Variants in JADE3 observed in about 807,000 individuals in gnomAD.
JADE3 encodes the protein jade family PHD finger 3.
A neutral mutation model predicts 50.1 loss-of-function variants in JADE3; 2 were observed. The ratio of observed to expected loss-of-function variants is 0.04; its 90% CI spans 0.02 to 0.13. The LOEUF (loss-of-function observed/expected upper bound fraction) is 0.13. JADE3 is among the 10% of genes least tolerant of loss of function. JADE3 has a pLI of 1.00. For synonymous variants in JADE3, 218 were observed against 232.9 expected (o/e 0.94, Z 0.58); for missense variants, 475 against 634.4 (o/e 0.75, Z 2.70).
At chrX:46,979,215 T>TA (rs1327077783) in intron 1 of JADE3, among the ~76,000 whole-genome samples, 6 of 112,661 alleles carry the variant, frequency 5.3e-5, no homozygotes, top group Admixed American at 9.4e-5. Context: ...GTAATTGTTT[T>TA]AAAAATGCCA....
rs782111450 is a variant in JADE3 at position 47,059,327 on chromosome X, T to C, written c.*250T>C. ...TTGGGAACAGCTGGGCCCAGGGTAT[T>C]TGCTCAGTAAATATTTTGGGGCAGC... On this transcript the variant is annotated 3_prime_UTR_variant, in exon 11 of 11. Transcript: ENST00000614628. The C allele has an allele frequency of 3.1e-6, 1 of 321,887 alleles. No individual in the cohort carries two copies. The highest frequency in any genetic ancestry group is 5.5e-5 in the Admixed American group (1 of 18,286). The allele number at this position is 321,887 out of a possible 1,213,427, so 26.5% of individuals were successfully genotyped here. A position where few individuals can be genotyped will look rare whatever the true frequency, so the allele number is the denominator to read the frequency against.
intron 7 of JADE3, among the ~76,000 whole-genome samples, chrX:47,037,986 A>C (rs1449191240): frequency 9.1e-6 from 1 of 110,434 alleles, no homozygotes; most frequent in African/African-American, 3.3e-5. Flanking sequence ...CCTACAGTCT[A>C]TCTCCTTGAG....
At chrX:47,029,415 G>A (rs1374938650) in intron 6 of JADE3, among the ~76,000 whole-genome samples, 1 of 111,669 alleles carries the variant, frequency 9.0e-6, no homozygotes, top group Non-Finnish European at 1.9e-5. Context: ...AGTAGAGTAG[G>A]GAAGGCATGG....
chrX:46,932,803 T>C (rs1193211518), intron 1 of JADE3, among the ~76,000 whole-genome samples: 1 of 111,822 alleles, frequency 8.9e-6, no homozygotes, highest in Non-Finnish European at 1.9e-5. Context: ...CTGGGACTTC[T>C]CTCACAAAAT....
At chrX:47,013,214 A>G (rs1250242103) in intron 4 of JADE3, among the ~76,000 whole-genome samples, 3 of 110,855 alleles carry the variant, frequency 2.7e-5, no homozygotes, top group African/African-American at 9.8e-5. Context: ...GGATCTCGCT[A>G]TGTTGCCCAG....
At chrX:47,043,865 A>T (rs1929320519) in intron 8 of JADE3, among the ~76,000 whole-genome samples, 1 of 110,510 alleles carries the variant, frequency 9.0e-6, no homozygotes, top group Non-Finnish European at 1.9e-5. Flanking sequence ...ATCAAGCAGA[A>T]ATTCTGGAGC....
intron 1 of JADE3, among the ~76,000 whole-genome samples, chrX:46,964,508 T>C (rs1927329430): frequency 1.8e-5 from 2 of 111,958 alleles, no homozygotes; most frequent in Non-Finnish European, 3.8e-5. Context: ...CAGTCAAAGA[T>C]GCCAGATGAG....
rs1556367261 is a variant in JADE3 at position 47,033,734 on chromosome X, C to G, written c.801C>G (p.Thr267=). 8.4e-7 allele frequency: 1 copy of G among 1,196,812 alleles called. No homozygotes were observed. Among genetic ancestry groups the G allele is most frequent in the Non-Finnish European group, 1.1e-6 (1 of 887,701 alleles). ...CAAAGAAAGGTGGAGCCCTGAAGACCACCAAGACAGGGACTAAATGGGCTC... is the reference window on the plus strand; with the variant it reads ...CAAAGAAAGGTGGAGCCCTGAAGACGACCAAGACAGGGACTAAATGGGCTC... ...LCPKKGGALK[T]TKTGTKWAHV... The change falls in exon 7 of 11, where the codon ACC becomes ACG. Residue 267 remains threonine, a synonymous_variant. Coordinates refer to ENST00000614628, the MANE Select transcript of JADE3 (RefSeq NM_014735.5).
rs1196133636 is a variant in JADE3, at chrX:46,984,907, A to G, written c.13A>G (p.Arg5Gly). 3 of 1,207,798 alleles carry G rather than the reference A, an allele frequency of 2.5e-6. No homozygotes were observed. The highest frequency in any genetic ancestry group is 3.4e-6 in the Non-Finnish European group (3 of 893,392). The change falls in exon 2 of 11, where the codon AGG (arginine) becomes GGG (glycine). Residue 5 changes from arginine (R) to glycine (G), a missense_variant. By Grantham distance (125) the Arg-to-Gly change is moderately radical. Transcript: ENST00000614628. ...AGGATGCTCCAGGATGAAACGCCATAGGCCTGTCAGCAGCAGTGACAGTTC... is the reference window on the plus strand; with the variant it reads ...AGGATGCTCCAGGATGAAACGCCATGGGCCTGTCAGCAGCAGTGACAGTTC... Reference protein sequence around the residue: MKRHRPVSSSDSSDE... With the variant: MKRHGPVSSSDSSDE...
intron 1 of JADE3, among the ~76,000 whole-genome samples, chrX:46,967,439 T>C (rs1210217498): frequency 8.9e-6 from 1 of 111,916 alleles, no homozygotes; most frequent in African/African-American, 3.2e-5. Context: ...GCTAAGATAA[T>C]AGGAGAAATG....
At chrX:46,980,685 T>C (rs1416735737) in intron 1 of JADE3, among the ~76,000 whole-genome samples, 1 of 111,446 alleles carries the variant, frequency 9.0e-6, no homozygotes, top group Non-Finnish European at 1.9e-5. Flanking sequence ...TAGCCCTAGA[T>C]CCTGAAGACT....
intron 8 of JADE3, among the ~76,000 whole-genome samples, 165 bp downstream of exon 8, chrX:47,039,230 A>G (rs782059631): frequency 9.0e-6 from 1 of 111,080 alleles, no homozygotes; most frequent in African/African-American, 3.3e-5. Context: ...TTTTTTGGAT[A>G]TTGCCTCTGG....
chrX:46,917,834 CCT>C lies in JADE3; in HGVS notation c.-12+5135_-12+5136del, dbSNP rs572734511. ...CTCTCTCTCTCTCACTCTCTCTCAT[CCT>C]CTCTCTCTCTCTCTCTCTCATCCTC... On this transcript the variant is annotated intron_variant, in intron 1 of 10. Transcript: ENST00000614628. Among the ~76,000 whole-genome samples, 63 of 42,548 alleles carry C rather than the reference CCT, an allele frequency of 1.5e-3. 2 individuals are homozygous for C. The highest frequency in any genetic ancestry group is 2.0e-3 in the Non-Finnish European group (47 of 23,976). 36.9% of individuals were successfully genotyped at this position (42,548 alleles called of 115,157 possible). A position where few individuals can be genotyped will look rare whatever the true frequency, so the allele number is the denominator to read the frequency against.
chrX:46,925,143 A>G (rs1926328015), intron 1 of JADE3, among the ~76,000 whole-genome samples: 1 of 112,271 alleles, frequency 8.9e-6, no homozygotes, highest in Non-Finnish European at 1.9e-5. Flanking sequence ...CTAATGATAC[A>G]TGAATGCATC....
intron 4 of JADE3, among the ~76,000 whole-genome samples, chrX:47,023,261 C>T (rs1928835807): frequency 9.0e-6 from 1 of 111,518 alleles, no homozygotes. Context: ...CTTCCTGATG[C>T]TCTCCCTCCC....
rs1929688226 is a variant in JADE3, at chrX:47,058,640, C to G, written c.2035C>G (p.Gln679Glu). The G allele has an allele frequency of 3.3e-6, 4 of 1,211,151 alleles. No individual in the cohort carries two copies. Among genetic ancestry groups the G allele is most frequent in the Middle Eastern group, 2.3e-4 (1 of 4,348 alleles). Reference protein sequence around the residue: ...LEGSWSGNVTQKDSSSEMFCD... With the variant: ...LEGSWSGNVTEKDSSSEMFCD... ...GGGCAGCTGGTCTGGGAATGTCACC[C>G]AAAAAGACAGCTCGAGTGAGATGTT... Residue 679 changes from glutamine to glutamate, a missense_variant, in exon 11 of 11, where the codon CAA becomes GAA. Physicochemically the swap from Gln to Glu is conservative, Grantham distance 29. Coordinates refer to ENST00000614628, the MANE Select transcript of JADE3 (RefSeq NM_014735.5).
At chrX:46,937,958 C>T (rs913373505) in intron 1 of JADE3, among the ~76,000 whole-genome samples, 7 of 111,487 alleles carry the variant, frequency 6.3e-5, no homozygotes, top group African/African-American at 1.6e-4. Context: ...CCATCCTGGG[C>T]GATGAGCAAA....
At chrX:46,917,865 C>G (rs1457621234) in intron 1 of JADE3, among the ~76,000 whole-genome samples, 1 of 91,497 alleles carries the variant, frequency 1.1e-5, no homozygotes, top group Non-Finnish European at 2.0e-5. Context: ...CATCCTCTCT[C>G]TCTCTCTCTC....
chrX:47,016,875 A>G (rs1556363039), intron 4 of JADE3, among the ~76,000 whole-genome samples: 1 of 111,141 alleles, frequency 9.0e-6, no homozygotes, highest in Non-Finnish European at 1.9e-5. Flanking sequence ...AAACTTTACT[A>G]ATAAGACTAA....
Sources: gnomAD v4.1 joint callset for allele counts (sites outside exome capture counted in the v4.1 genomes callset) on GRCh38, gnomAD v4.1.1 for gene constraint, MANE v1.5 for transcripts, NCBI Gene and HGNC (gene_info 2026-07-23, HGNC 2026-07-21) for gene names.